Variants in SNX29 observed in about 807,000 individuals in gnomAD.
SNX29 encodes the protein sorting nexin 29.
A neutral mutation model predicts 102.1 loss-of-function variants in SNX29; 78 were observed. The observed-to-expected ratio is 0.76, with a 90% confidence interval of 0.64 to 0.92. The LOEUF is 0.92. SNX29 is among the 40% of genes least tolerant of loss of function. The pLI, the probability that SNX29 is intolerant of heterozygous loss-of-function variation, is 0.00. For synonymous variants in SNX29, 580 were observed against 414.5 expected, an observed-to-expected ratio of 1.40 and a Z score of -4.85; for missense variants, 1,280 against 1,061.7, an observed-to-expected ratio of 1.21 and a Z score of -2.86.
In SNX29 at chr16:12,570,069, C is replaced by G. The variant is rs1162789878; in HGVS notation, c.*1440C>G. On this transcript the variant is annotated 3_prime_UTR_variant, in exon 21 of 21. Transcript: ENST00000566228. ...CTCGAGGACATCTCTGGAGAATCAT[C>G]TGGAAGGTTTATACTGTGCCTTCCC... 1.5e-6 allele frequency: 1 copy of G among 668,020 alleles called. No individual in the cohort carries two copies. The highest frequency in any genetic ancestry group is 7.0e-5 in the South Asian group (1 of 14,380). 41.4% of individuals were successfully genotyped at this position (668,020 alleles called of 1,614,324 possible). A position where few individuals can be genotyped will look rare whatever the true frequency, so the allele number is the denominator to read the frequency against.
At chr16:12,069,199 C>CT in intron 10 of SNX29, 67 bp downstream of exon 10, 1 of 1,393,984 alleles carries the variant, frequency 7.2e-7, no homozygotes, top group Non-Finnish European at 1.0e-6. Flanking sequence ...GCATTTTATT[C>CT]TTTTTTAAAG....
chr16:12,443,285 C>T (rs2085893491), intron 18 of SNX29: 1 of 216,244 alleles, frequency 4.6e-6, no homozygotes, highest in African/African-American at 2.3e-5. Context: ...GCTGTTCCTC[C>T]CTGACTACTC....
At chr16:12,026,428 G>C (rs1470211308) in intron 3 of SNX29, among the ~76,000 whole-genome samples, 2 of 152,184 alleles carry the variant, frequency 1.3e-5, no homozygotes, top group Non-Finnish European at 1.5e-5. Context: ...ACAGTGCCTG[G>C]CATGTGGGAG....
Position 12,574,153 on chromosome 16 carries a change from GTT to G in SNX29, c.*5526_*5527del. On this transcript the variant is annotated 3_prime_UTR_variant, in exon 21 of 21. Coordinates refer to ENST00000566228, the MANE Select transcript of SNX29 (RefSeq NM_032167.5). The stretch of plus-strand genomic sequence containing the variant: ...CATAATAGGATTTTTAAACAAATGT[GTT>G]TAATTTTTTAAGATCTCTTGTATTA... The G allele has an allele frequency of 5.5e-6, 1 of 181,582 alleles. No individual in the cohort carries two copies. Among genetic ancestry groups the G allele is most frequent in the Non-Finnish European group, 1.2e-5 (1 of 85,116 alleles). The allele number at this position is 181,582 out of a possible 1,614,324, so 11.2% of individuals were successfully genotyped here.
At chr16:11,986,810 G>T (rs181667311) in intron 1 of SNX29, among the ~76,000 whole-genome samples, 1 of 152,124 alleles carries the variant, frequency 6.6e-6, no homozygotes, top group Non-Finnish European at 1.5e-5. Context: ...TTCTGCTGTC[G>T]TAGTTTGAAG....
intron 15 of SNX29, among the ~76,000 whole-genome samples, chr16:12,336,586 C>A (rs2081457741): frequency 1.3e-5 from 2 of 152,170 alleles, no homozygotes; most frequent in South Asian, 4.1e-4. Flanking sequence ...ATTGTATATT[C>A]TGAAGGGTTG....
At chr16:12,480,823 T>C (rs913477368) in intron 19 of SNX29, among the ~76,000 whole-genome samples, 4 of 152,190 alleles carry the variant, frequency 2.6e-5, no homozygotes, top group Non-Finnish European at 5.9e-5. Flanking sequence ...AAAGAGGGCA[T>C]GAAGCTGTCC....
In SNX29 at chr16:12,069,101, C is replaced by T. The variant is rs757186946; in HGVS notation, c.1288C>T (p.His430Tyr). The T allele has an allele frequency of 6.2e-7, 1 of 1,613,766 alleles. No homozygotes were observed. Among genetic ancestry groups the T allele is most frequent in the Non-Finnish European group, 8.5e-7 (1 of 1,179,742 alleles). ...SLENGTGPED[H>Y]VLPDPGLRYS... ...GGAGAACGGGACAGGACCAGAGGAC[C>T]ACGTTCTCCCAGATCCTGGACTTCG... Residue 430 changes from histidine to tyrosine, a missense_variant, in exon 10 of 21, where the codon CAC (histidine) becomes TAC (tyrosine). Transcript: ENST00000566228.
chr16:12,534,215 C>T (rs1023901702), intron 20 of SNX29, among the ~76,000 whole-genome samples: 5 of 152,204 alleles, frequency 3.3e-5, no homozygotes, highest in Non-Finnish European at 5.9e-5. Context: ...AGAAAGGGTC[C>T]ATTGGAGTAA....
At position 12,162,197 on chromosome 16, in the gene SNX29, G is replaced by A. The variant is rs116421135; in HGVS notation, c.1595+32439G>A. 2.7e-3 allele frequency among the ~76,000 whole-genome samples: 404 copies of A among 152,266 alleles called. 3 individuals are homozygous for A. The highest frequency in any genetic ancestry group is 8.9e-3 in the African/African-American group (369 of 41,558). On this transcript the variant is annotated intron_variant, in intron 13 of 20. Coordinates refer to ENST00000566228, the MANE Select transcript of SNX29 (RefSeq NM_032167.5). ...CACTCTTCCCTCAGATCTCAGCACG[G>A]TCGGCTCCTTCTGAGGGTGTCCAGC...
chr16:12,509,308 A>C (rs757498838), intron 19 of SNX29, among the ~76,000 whole-genome samples: 10 of 152,188 alleles, frequency 6.6e-5, no homozygotes, highest in Non-Finnish European at 1.5e-4. Context: ...GCCATCTGTC[A>C]GCCCAGCGAG....
At chr16:12,474,522 T>C (rs1394530905) in intron 18 of SNX29, among the ~76,000 whole-genome samples, 1 of 151,930 alleles carries the variant, frequency 6.6e-6, no homozygotes, top group Non-Finnish European at 1.5e-5. Flanking sequence ...GAGAGAGCAG[T>C]TGGAGAAGAG....
In SNX29 at chr16:12,362,143, T is replaced by A. The variant is rs115018207; in HGVS notation, c.1899+5864T>A. The stretch of plus-strand genomic sequence containing the variant: ...TGTTGTTCATTTTAAGAACCGTGTC[T>A]TGTTCCCTTGAACTGACAAAACCGT... On this transcript the variant is annotated intron_variant, in intron 16 of 20. Coordinates refer to ENST00000566228, the MANE Select transcript of SNX29 (RefSeq NM_032167.5). 3.0e-3 allele frequency among the ~76,000 whole-genome samples: 461 copies of A among 152,398 alleles called. 2 individuals carry two copies. The highest frequency in any genetic ancestry group is 0.011 in the African/African-American group (443 of 41,594).
intron 18 of SNX29, among the ~76,000 whole-genome samples, chr16:12,421,476 G>A (rs896215627): frequency 6.6e-6 from 1 of 152,192 alleles, no homozygotes; most frequent in African/African-American, 2.4e-5. Flanking sequence ...AATATTCCTA[G>A]ATCTTTCTTG....
At chr16:12,400,361 C>T (rs1214775897) in intron 17 of SNX29, among the ~76,000 whole-genome samples, 1 of 152,212 alleles carries the variant, frequency 6.6e-6, no homozygotes, top group Non-Finnish European at 1.5e-5. Flanking sequence ...CACAGCATTG[C>T]CTCTGTGCTG....
At chr16:12,392,300 C>T (rs1407003718) in intron 16 of SNX29, among the ~76,000 whole-genome samples, 1 of 152,194 alleles carries the variant, frequency 6.6e-6, no homozygotes, top group Non-Finnish European at 1.5e-5. Context: ...AGTGGTATTG[C>T]AACAAATGTC....
chr16:12,415,336 C>T (rs2084584783), intron 18 of SNX29, among the ~76,000 whole-genome samples: 1 of 152,198 alleles, frequency 6.6e-6, no homozygotes, highest in East Asian at 1.9e-4. Context: ...GGCAGGATTG[C>T]CTTGGAGTCT....
At chr16:12,162,868 A>G (rs1270635770) in intron 13 of SNX29, among the ~76,000 whole-genome samples, 1 of 151,884 alleles carries the variant, frequency 6.6e-6, no homozygotes. Context: ...TTTATCACAC[A>G]ACATAGTTGT....
intron 13 of SNX29, among the ~76,000 whole-genome samples, chr16:12,138,368 C>A (rs563679601): frequency 6.6e-6 from 1 of 151,968 alleles, no homozygotes; most frequent in Non-Finnish European, 1.5e-5. Flanking sequence ...CCACCATGCC[C>A]AGCTCATTTG....
Sources: gnomAD v4.1 joint callset for allele counts (sites outside exome capture counted in the v4.1 genomes callset) on GRCh38, gnomAD v4.1.1 for gene constraint, MANE v1.5 for transcripts, NCBI Gene and HGNC (gene_info 2026-07-23, HGNC 2026-07-21) for gene names.